The following SNX7 variants were observed in gnomAD, a reference collection of about 807,000 sequenced individuals.
The protein encoded by SNX7 is sorting nexin-7.
Under a neutral mutation model 48.4 loss-of-function variants are expected in SNX7, and 35 were observed. That is an observed-to-expected ratio of 0.72 (90% CI 0.55 to 0.96). The LOEUF (loss-of-function observed/expected upper bound fraction) is 0.96, where lower values mean the gene tolerates loss of function less well. SNX7 is among the 40% of genes least tolerant of loss of function. The pLI, the probability that SNX7 is intolerant of heterozygous loss-of-function variation, is 0.00. For missense variants in SNX7, 553 were observed against 548.9 expected, an observed-to-expected ratio of 1.01 and a Z score of -0.07; for synonymous variants, 190 against 190.2, an observed-to-expected ratio of 1.00 and a Z score of 0.01.
At chr1:98,694,596 ATTTTTTT>A (rs764330196) in intron 4 of SNX7, among the ~76,000 whole-genome samples, 14 of 53,198 alleles carry the variant, frequency 2.6e-4, no homozygotes, top group African/African-American at 6.9e-4. Flanking sequence ...TTGCTCTGGG[ATTTTTTT>A]TTTTTTTTTT....
intron 8 of SNX7, among the ~76,000 whole-genome samples, chr1:98,740,075 G>T (rs538205082): frequency 4.6e-4 from 70 of 152,110 alleles, no homozygotes; most frequent in African/African-American, 1.7e-3. Flanking sequence ...CCATGGTTTT[G>T]TTTTGTTTTG....
intron 7 of SNX7, among the ~76,000 whole-genome samples, chr1:98,726,735 C>T (rs527620134): frequency 2.6e-5 from 4 of 151,936 alleles, no homozygotes; most frequent in Admixed American, 6.6e-5. Flanking sequence ...AAAAAGAAAA[C>T]TCATTGAGAA....
chr1:98,689,190 A>G (rs1043081982), intron 2 of SNX7, among the ~76,000 whole-genome samples: 2 of 152,206 alleles, frequency 1.3e-5, no homozygotes, highest in African/African-American at 2.4e-5. Flanking sequence ...GGCGTGAGCC[A>G]CTGCGACATC....
At chr1:98,729,075 C>T (rs1653348393) in intron 7 of SNX7, among the ~76,000 whole-genome samples, 1 of 152,106 alleles carries the variant, frequency 6.6e-6, no homozygotes, top group African/African-American at 2.4e-5. Flanking sequence ...TACAAAAGAA[C>T]TGAAATCATA....
At chr1:98,751,158 A>G (rs1394544841) in intron 8 of SNX7, among the ~76,000 whole-genome samples, 1 of 152,048 alleles carries the variant, frequency 6.6e-6, no homozygotes, top group African/African-American at 2.4e-5. Context: ...TCAAATGTGG[A>G]AGCTTCCATT....
intron 7 of SNX7, among the ~76,000 whole-genome samples, chr1:98,721,415 T>C (rs892742662): frequency 4.6e-5 from 7 of 152,150 alleles, no homozygotes; most frequent in Admixed American, 3.3e-4. Flanking sequence ...TGTAGTATTG[T>C]GAGCTGTCTT....
chr1:98,681,031 C>T (rs1422799665), intron 1 of SNX7, among the ~76,000 whole-genome samples: 1 of 152,172 alleles, frequency 6.6e-6, no homozygotes, highest in Non-Finnish European at 1.5e-5. Context: ...ATACCTGAGA[C>T]TGGGGCATTT....
Position 98,665,934 on chromosome 1 carries a change from C to T in SNX7, c.180+4023C>T, listed in dbSNP as rs186350816. ...GAATAAAGTTGAGACATCTAACATA[C>T]ACATGTATACATATCTTTATATGTA... is the stretch of plus-strand genomic sequence containing the variant. On this transcript the variant is annotated intron_variant, in intron 1 of 8. Coordinates refer to ENST00000306121, the MANE Select transcript of SNX7 (RefSeq NM_015976.5). Among the ~76,000 whole-genome samples, 10 of 152,246 alleles carry T rather than the reference C, an allele frequency of 6.6e-5. No individual in the cohort carries two copies. The South Asian group carries it at 8.3e-4, about 13-fold the overall frequency.
chr1:98,684,593 T>C (rs1650683657), intron 1 of SNX7, among the ~76,000 whole-genome samples: 1 of 152,116 alleles, frequency 6.6e-6, no homozygotes, highest in South Asian at 2.1e-4. Flanking sequence ...TTAATACTAT[T>C]GCATTGGGGA....
At chr1:98,717,520 A>G (rs1652652626) in intron 7 of SNX7, among the ~76,000 whole-genome samples, 1 of 152,154 alleles carries the variant, frequency 6.6e-6, no homozygotes. Flanking sequence ...AAACCGCTAT[A>G]TCTAATCCCA....
chr1:98,696,393 A>G (rs1317363884), intron 5 of SNX7, among the ~76,000 whole-genome samples: 1 of 152,162 alleles, frequency 6.6e-6, no homozygotes, highest in Non-Finnish European at 1.5e-5. Context: ...ATTGACCTCT[A>G]CTTAACTGTA....
At chr1:98,671,917 AT>A (rs1369033775) in intron 1 of SNX7, among the ~76,000 whole-genome samples, 16 of 152,218 alleles carry the variant, frequency 1.1e-4, no homozygotes, top group African/African-American at 3.6e-4. Context: ...AAGCTGAATC[AT>A]TTAAAGTGAA....
chr1:98,666,588 G>A (rs1649547210), intron 1 of SNX7, among the ~76,000 whole-genome samples: 4 of 152,154 alleles, frequency 2.6e-5, no homozygotes, highest in African/African-American at 9.7e-5. Context: ...GTACAACAAT[G>A]TGGAGAGTTA....
At chr1:98,729,693 C>T (rs1441466956) in intron 7 of SNX7, among the ~76,000 whole-genome samples, 1 of 152,102 alleles carries the variant, frequency 6.6e-6, no homozygotes, top group Non-Finnish European at 1.5e-5. Flanking sequence ...TACCTAGACA[C>T]TTTAAAGACT....
At chr1:98,734,721 T>C (rs986878970) in intron 7 of SNX7, among the ~76,000 whole-genome samples, 1 of 152,184 alleles carries the variant, frequency 6.6e-6, no homozygotes, top group Non-Finnish European at 1.5e-5. Flanking sequence ...TTAATGACTT[T>C]GTGTGGCTAA....
intron 7 of SNX7, among the ~76,000 whole-genome samples, chr1:98,726,304 C>T (rs1433598185): frequency 6.6e-6 from 1 of 152,184 alleles, no homozygotes; most frequent in African/African-American, 2.4e-5. Flanking sequence ...TGTTAATACC[C>T]TAAGGCAACT....
At chr1:98,731,290 G>C (rs763406995) in intron 7 of SNX7, among the ~76,000 whole-genome samples, 31 of 151,852 alleles carry the variant, frequency 2.0e-4, no homozygotes, top group Non-Finnish European at 3.5e-4. Flanking sequence ...TGTGCTTATT[G>C]GATTGTATCT....
At chr1:98,699,082 C>G (rs1358471096) in intron 6 of SNX7, among the ~76,000 whole-genome samples, 177 bp downstream of exon 6, 7 of 152,046 alleles carry the variant, frequency 4.6e-5, no homozygotes, top group Non-Finnish European at 1.0e-4. Flanking sequence ...AGGAAAGAAT[C>G]CGTTGTTAAA....
chr1:98,721,550 A>T (rs1005429095), intron 7 of SNX7, among the ~76,000 whole-genome samples: 1 of 152,114 alleles, frequency 6.6e-6, no homozygotes, highest in Non-Finnish European at 1.5e-5. Flanking sequence ...TTATACTTCA[A>T]TAAGCCTTAT....
Sources: gnomAD v4.1 joint callset for allele counts (sites outside exome capture counted in the v4.1 genomes callset) on GRCh38, gnomAD v4.1.1 for gene constraint, MANE v1.5 for transcripts, NCBI Gene and HGNC (gene_info 2026-07-23, HGNC 2026-07-21) for gene names.